The following SPIDR variants were observed in gnomAD, a reference collection of about 807,000 sequenced individuals.
The protein encoded by SPIDR is DNA repair-scaffolding protein.
A neutral mutation model predicts 104.6 loss-of-function variants in SPIDR; 93 were observed. The ratio of observed to expected loss-of-function variants is 0.89; its 90% confidence interval spans 0.75 to 1.06. SPIDR has a LOEUF of 1.06. Among genes scored for constraint, SPIDR ranks in the 50% least tolerant of loss-of-function variants. The pLI, the probability that SPIDR is intolerant of heterozygous loss-of-function variation, is 0.00. For missense variants in SPIDR, 1,154 were observed against 1,111.2 expected, an observed-to-expected ratio of 1.04 and a Z score of -0.55; for synonymous variants, 431 against 416.9, an observed-to-expected ratio of 1.03 and a Z score of -0.41.
At chr8:47,335,659 C>T (rs782770076) in intron 5 of SPIDR, among the ~76,000 whole-genome samples, 4 of 152,182 alleles carry the variant, frequency 2.6e-5, no homozygotes, top group Non-Finnish European at 4.4e-5. Flanking sequence ...CCATGGTGGC[C>T]AGGCTGGTCT....
intron 10 of SPIDR, among the ~76,000 whole-genome samples, chr8:47,670,444 G>A (rs558991545): frequency 1.4e-4 from 22 of 152,294 alleles, no homozygotes; most frequent in African/African-American, 5.1e-4. Context: ...GGAAAAATTA[G>A]TTCCCATCTA....
intron 8 of SPIDR, among the ~76,000 whole-genome samples, chr8:47,578,579 C>T (rs1196144398): frequency 6.6e-6 from 1 of 152,150 alleles, no homozygotes; most frequent in African/African-American, 2.4e-5. Context: ...GACCTAGTAA[C>T]AAGGTGCTTC....
intron 3 of SPIDR, among the ~76,000 whole-genome samples, chr8:47,288,174 T>G (rs899709955): frequency 1.3e-5 from 2 of 152,212 alleles, no homozygotes; most frequent in Non-Finnish European, 1.5e-5. Context: ...TTCTGTATTG[T>G]AGTTTGTACC....
At chr8:47,662,084 C>G (rs1434601194) in intron 10 of SPIDR, among the ~76,000 whole-genome samples, 1 of 152,238 alleles carries the variant, frequency 6.6e-6, no homozygotes, top group Non-Finnish European at 1.5e-5. Flanking sequence ...TACTCACCTC[C>G]TCCGAACCTC....
At chr8:47,470,933 A>G (rs1437743285) in intron 8 of SPIDR, among the ~76,000 whole-genome samples, 1 of 152,046 alleles carries the variant, frequency 6.6e-6, no homozygotes, top group Non-Finnish European at 1.5e-5. Context: ...ACGGGGTTTC[A>G]CCGTGTTAGC....
chr8:47,574,971 A>AT (rs201653735), intron 8 of SPIDR, among the ~76,000 whole-genome samples: 5,290 of 151,606 alleles, frequency 0.035, 144 homozygotes, highest in Middle Eastern at 0.068. Context: ...ATGTTTCTTG[A>AT]TTTTTTTTTA....
chr8:47,629,639 G>A (rs113475482), intron 10 of SPIDR, among the ~76,000 whole-genome samples: 13 of 152,334 alleles, frequency 8.5e-5, no homozygotes, highest in African/African-American at 2.9e-4. Context: ...TGTAATCCCA[G>A]CTACTCAGGA....
intron 11 of SPIDR, among the ~76,000 whole-genome samples, chr8:47,677,052 A>C (rs1178184406): frequency 6.6e-6 from 1 of 152,270 alleles, no homozygotes; most frequent in Non-Finnish European, 1.5e-5. Context: ...TTTTCACAAC[A>C]GTGCCAGTCT....
chr8:47,664,903 A>C (rs1032146846), intron 10 of SPIDR, among the ~76,000 whole-genome samples: 1 of 152,054 alleles, frequency 6.6e-6, no homozygotes, highest in African/African-American at 2.4e-5. Context: ...TCAAAAAAAA[A>C]AAAAGAAATT....
rs531636600 is a variant in SPIDR, at chr8:47,549,337, G to T, written c.1098-46474G>T. ...ATTTCTAGTTCTAGATCCTAGAGGAGTCGTCACACTCTCTTCCACAATAGT... is the reference window on the plus strand; with the variant it reads ...ATTTCTAGTTCTAGATCCTAGAGGATTCGTCACACTCTCTTCCACAATAGT... On this transcript the variant is annotated intron_variant, in intron 8 of 19. Coordinates refer to ENST00000297423, the MANE Select transcript of SPIDR (RefSeq NM_001080394.4). 2.6e-5 allele frequency among the ~76,000 whole-genome samples: 4 copies of T among 152,158 alleles called. No homozygotes were observed. In the South Asian group the frequency reaches 8.3e-4, roughly 32 times the overall value.
chr8:47,317,174 G>C (rs1036127402), intron 5 of SPIDR, among the ~76,000 whole-genome samples: 2,749 of 152,292 alleles, frequency 0.018, 84 homozygotes, highest in African/African-American at 0.064. Context: ...CCCAGGAAGC[G>C]CAAGGGGTCA....
At chr8:47,551,789 T>C (rs1564308827) in intron 8 of SPIDR, among the ~76,000 whole-genome samples, 1 of 152,186 alleles carries the variant, frequency 6.6e-6, no homozygotes, top group Non-Finnish European at 1.5e-5. Context: ...GCTCAGATCT[T>C]AGTTATTTCT....
intron 6 of SPIDR, among the ~76,000 whole-genome samples, chr8:47,404,633 A>G (rs568405428): frequency 2.0e-5 from 3 of 152,204 alleles, no homozygotes; most frequent in Non-Finnish European, 4.4e-5. Context: ...GAGAAATGCA[A>G]ATCAAAACCA....
chr8:47,523,141 G>A (rs2084428917), intron 8 of SPIDR, among the ~76,000 whole-genome samples: 1 of 152,040 alleles, frequency 6.6e-6, no homozygotes, highest in Admixed American at 6.6e-5. Context: ...TACAGGCATA[G>A]CGAGCCACCA....
chr8:47,467,401 A>G (rs1168372106), intron 8 of SPIDR, among the ~76,000 whole-genome samples: 1 of 152,182 alleles, frequency 6.6e-6, no homozygotes, highest in Non-Finnish European at 1.5e-5. Context: ...CCTGGCACAG[A>G]CACAACAAAA....
Position 47,700,395 on chromosome 8 carries a change from T to C in SPIDR, c.1686-8T>C. On this transcript the variant is annotated splice_region_variant and splice_polypyrimidine_tract_variant and intron_variant, in intron 11 of 19. Coordinates refer to ENST00000297423, the MANE Select transcript of SPIDR (RefSeq NM_001080394.4). ...GATGATGAATACCTTTGACTTTTCT[T>C]GTTCCAGGACAGCGGGGATTTTCAG... 6 of 1,614,202 alleles carry C rather than the reference T, an allele frequency of 3.7e-6. No individual in the cohort carries two copies. Among genetic ancestry groups the C allele is most frequent in the Non-Finnish European group, 5.1e-6 (6 of 1,180,020 alleles).
intron 5 of SPIDR, among the ~76,000 whole-genome samples, chr8:47,311,162 A>C (rs1002646323): frequency 1.3e-5 from 2 of 152,234 alleles, no homozygotes; most frequent in East Asian, 3.8e-4. Flanking sequence ...TAGGTAAAAA[A>C]TACAATATTT....
At chr8:47,544,750 C>A (rs2088929217) in intron 8 of SPIDR, among the ~76,000 whole-genome samples, 1 of 152,236 alleles carries the variant, frequency 6.6e-6, no homozygotes, top group African/African-American at 2.4e-5. Flanking sequence ...GTCTTGAAAT[C>A]ACGTTCATAG....
intron 4 of SPIDR, among the ~76,000 whole-genome samples, chr8:47,292,031 A>C (rs1395483513): frequency 6.6e-6 from 1 of 152,154 alleles, no homozygotes; most frequent in Non-Finnish European, 1.5e-5. Context: ...TCCCAGCCAC[A>C]GTGATGATAA....
Sources: allele counts gnomAD v4.1 joint callset (sites outside exome capture counted in the v4.1 genomes callset), GRCh38; gene constraint gnomAD v4.1.1; transcripts MANE v1.5; gene names NCBI Gene and HGNC (gene_info 2026-07-23, HGNC 2026-07-21).